The following ANO2 variants were observed in gnomAD, a reference collection of about 807,000 sequenced individuals.
ANO2 encodes the protein anoctamin-2.
In ANO2, 101 loss-of-function variants were observed where a neutral mutation model predicts 124.2. The ratio of observed to expected loss-of-function variants is 0.81; its 90% CI spans 0.69 to 0.96. The LOEUF (loss-of-function observed/expected upper bound fraction) is 0.96, where lower values mean the gene tolerates loss of function less well. Ranked by LOEUF, ANO2 falls within the 40% of genes least tolerant of loss-of-function variation. The pLI, the probability that ANO2 is intolerant of heterozygous loss-of-function variation, is 0.00. For missense variants in ANO2, 1,293 were observed against 1,274.5 expected, an observed-to-expected ratio of 1.01 and a Z score of -0.22; for synonymous variants, 486 against 482.5, an observed-to-expected ratio of 1.01 and a Z score of -0.09.
At chr12:5,897,730 T>C (rs1399707006) in intron 3 of ANO2, among the ~76,000 whole-genome samples, 4 of 128,760 alleles carry the variant, frequency 3.1e-5, no homozygotes, top group Admixed American at 3.0e-4. Flanking sequence ...TCATGCCACA[T>C]ACAGACCAAA....
rs149995251 is a variant in ANO2 at position 5,693,911 on chromosome 12, C to T, written c.1545+38609G>A. Among the ~76,000 whole-genome samples the T allele has an allele frequency of 4.6e-3, 706 of 152,306 alleles. 3 individuals are homozygous for T. The highest frequency in any genetic ancestry group is 4.3e-3 in the Non-Finnish European group (295 of 68,020). ...CGGAGCAGCCCTACCAGCCTCTTCA[C>T]TTTCTACTGCTTCACTCTGCTTTGT... On this transcript the variant is annotated intron_variant, in intron 14 of 24. Transcript: ENST00000682330.
intron 14 of ANO2, among the ~76,000 whole-genome samples, chr12:5,679,172 A>C (rs1591884666): frequency 6.7e-6 from 1 of 150,364 alleles, no homozygotes; most frequent in South Asian, 2.1e-4. Context: ...AAAATCCCAA[A>C]CTATAAAAAC....
chr12:5,876,967 A>C (rs1938146441), intron 3 of ANO2, among the ~76,000 whole-genome samples: 1 of 152,232 alleles, frequency 6.6e-6, no homozygotes. Flanking sequence ...CCCAGAACTT[A>C]AAGTATAATT....
At chr12:5,637,070 G>A (rs1486128440) in intron 15 of ANO2, among the ~76,000 whole-genome samples, 1 of 151,608 alleles carries the variant, frequency 6.6e-6, no homozygotes, top group Admixed American at 6.6e-5. Flanking sequence ...TCTGCTGCAG[G>A]GTGGGGGTGG....
intron 14 of ANO2, among the ~76,000 whole-genome samples, chr12:5,671,682 C>G (rs542250790): frequency 1.3e-5 from 2 of 152,284 alleles, no homozygotes; most frequent in South Asian, 4.1e-4. Flanking sequence ...GGGATGTATA[C>G]AATTTTCCCC....
At chr12:5,799,638 C>T in intron 9 of ANO2, 67 bp from the exon 10 acceptor site, 1 of 1,425,488 alleles carries the variant, frequency 7.0e-7, no homozygotes, top group South Asian at 1.2e-5. Flanking sequence ...TTTTGTCCAT[C>T]CTAACAAGTC....
intron 4 of ANO2, among the ~76,000 whole-genome samples, chr12:5,842,694 G>A (rs1241177903): frequency 6.6e-6 from 1 of 152,152 alleles, no homozygotes; most frequent in Non-Finnish European, 1.5e-5. Context: ...ACTTGCTATT[G>A]TAACACATTT....
At chr12:5,663,025 C>T (rs751305970) in intron 14 of ANO2, among the ~76,000 whole-genome samples, 2 of 152,202 alleles carry the variant, frequency 1.3e-5, no homozygotes, top group Non-Finnish European at 2.9e-5. Flanking sequence ...ACATACTGCT[C>T]AGTAACCAGT....
In ANO2 at chr12:5,765,321, C is replaced by G. The variant is rs1040930667; in HGVS notation, c.1056-14351G>C. 3.9e-5 allele frequency among the ~76,000 whole-genome samples: 6 copies of G among 152,150 alleles called. No homozygotes were observed. In the South Asian group the frequency reaches 1.2e-3, roughly 32 times the overall value. On this transcript the variant is annotated intron_variant, in intron 10 of 24. Coordinates refer to ENST00000682330, the MANE Select transcript of ANO2 (RefSeq NM_001364791.2). ...CCCGGGAACAGTAACTACTCAGCTC[C>G]AGCAGTCCGGGGTGACTTGTGGGAA...
At position 5,599,540 on chromosome 12, in the gene ANO2, T is replaced by C. The variant is rs1420821632; in HGVS notation, c.2177A>G (p.Asp726Gly). The C allele has an allele frequency of 6.2e-7, 1 of 1,613,860 alleles. No individual in the cohort carries two copies. Among genetic ancestry groups the C allele is most frequent in the Admixed American group, 1.7e-5 (1 of 60,012 alleles). The change falls in exon 20 of 25, where the codon GAC becomes GGC. Residue 726 changes from aspartate to glycine, a missense_variant. Physicochemically the swap from Asp to Gly is moderately conservative, Grantham distance 94. Coordinates refer to ENST00000682330, the MANE Select transcript of ANO2 (RefSeq NM_001364791.2). Reference protein sequence around the residue: ...SAHSKHPEQWDLDYSLEPYTG... With the variant: ...SAHSKHPEQWGLDYSLEPYTG... ...GTATGGTTCCAAGCTGTAGTCTAGGTCCCACTGCTCTGGATGTTTCGAATG... is the reference window on the plus strand; with the variant it reads ...GTATGGTTCCAAGCTGTAGTCTAGGCCCCACTGCTCTGGATGTTTCGAATG...
intron 3 of ANO2, among the ~76,000 whole-genome samples, chr12:5,873,403 ACT>A (rs1336820411): frequency 6.6e-6 from 1 of 151,892 alleles, no homozygotes; most frequent in African/African-American, 2.4e-5. Flanking sequence ...TGAATCTGGG[ACT>A]CTGTGGGCAA....
chr12:5,793,238 A>T (rs1256364501), intron 10 of ANO2, among the ~76,000 whole-genome samples: 1 of 152,172 alleles, frequency 6.6e-6, no homozygotes, highest in African/African-American at 2.4e-5. Context: ...TATGGGCTAG[A>T]TATGCCCAAG....
intron 10 of ANO2, among the ~76,000 whole-genome samples, chr12:5,764,418 T>C (rs1173624522): frequency 2.6e-5 from 4 of 152,226 alleles, no homozygotes; most frequent in Non-Finnish European, 5.9e-5. Context: ...AGTATGCTAT[T>C]ATCCTTAAAT....
At position 5,883,837 on chromosome 12, in the gene ANO2, C is replaced by A. The variant is rs566099830; in HGVS notation, c.535-29696G>T. ...TTCTTAAATCCACTTTAAATAGCAC[C>A]ATGTAATTAGAATTAATTGTTATAA... On this transcript the variant is annotated intron_variant, in intron 3 of 24. Coordinates refer to ENST00000682330, the MANE Select transcript of ANO2 (RefSeq NM_001364791.2). Among the ~76,000 whole-genome samples the A allele has an allele frequency of 7.5e-4, 114 of 152,242 alleles. 2 individuals carry two copies. Among genetic ancestry groups the A allele is most frequent in the African/African-American group, 2.6e-3 (108 of 41,550 alleles).
chr12:5,849,563 C>CA (rs1265099808), intron 4 of ANO2, among the ~76,000 whole-genome samples: 7 of 152,236 alleles, frequency 4.6e-5, no homozygotes, highest in Admixed American at 4.6e-4. Flanking sequence ...GTGTCCCTCA[C>CA]AAAATGCTGG....
At chr12:5,853,476 G>T (rs1175655142) in intron 4 of ANO2, among the ~76,000 whole-genome samples, 1 of 152,100 alleles carries the variant, frequency 6.6e-6, no homozygotes, top group Non-Finnish European at 1.5e-5. Context: ...CAAATTCCCA[G>T]AGATGGGACA....
intron 19 of ANO2, among the ~76,000 whole-genome samples, chr12:5,610,821 C>A (rs1216709143): frequency 4.4e-5 from 4 of 89,936 alleles, no homozygotes; most frequent in East Asian, 3.6e-4. Context: ...GTTGTCCATA[C>A]ACACACACAC....
intron 20 of ANO2, among the ~76,000 whole-genome samples, chr12:5,594,821 T>A (rs1342427420): frequency 6.6e-6 from 1 of 152,104 alleles, no homozygotes; most frequent in Non-Finnish European, 1.5e-5. Flanking sequence ...CTGGGTGATG[T>A]AGCAAGACCC....
At chr12:5,896,126 T>C (rs2136276865) in intron 3 of ANO2, among the ~76,000 whole-genome samples, 1 of 152,166 alleles carries the variant, frequency 6.6e-6, no homozygotes, top group East Asian at 1.9e-4. Context: ...CTTTGGGGAC[T>C]GGAAGGGGGG....
Sources: allele counts gnomAD v4.1 joint callset (sites outside exome capture counted in the v4.1 genomes callset), GRCh38; gene constraint gnomAD v4.1.1; transcripts MANE v1.5; gene names NCBI Gene and HGNC (gene_info 2026-07-23, HGNC 2026-07-21).